The following CFAP46 variants were observed in gnomAD, a reference collection of about 807,000 sequenced individuals.
CFAP46 encodes cilia- and flagella-associated protein 46.
A neutral mutation model predicts 325.7 loss-of-function variants in CFAP46; 245 were observed. That is an observed-to-expected ratio of 0.75 (90% confidence interval 0.68 to 0.84). The LOEUF (loss-of-function observed/expected upper bound fraction) is 0.84. Among genes scored for constraint, CFAP46 ranks in the 40% least tolerant of loss-of-function variants. CFAP46 has a pLI of 0.00. For missense variants in CFAP46, 3,346 were observed against 3,543.0 expected (o/e 0.94, Z 1.41); for synonymous variants, 1,523 against 1,495.9 (o/e 1.02, Z -0.42).
rs117156428 is a variant in CFAP46, at chr10:132,882,360, C to T, written c.3628-1328G>A. Among the ~76,000 whole-genome samples, 339 of 149,714 alleles carry T rather than the reference C, an allele frequency of 2.3e-3. 5 individuals carry two copies. In the East Asian group the frequency reaches 0.051, roughly 22 times the overall value. ...GTATAGGCTGTGTGGGGGTGGGATA[C>T]GTGGGGTGTGTCTTGGTCACAGCTG... On this transcript the variant is annotated intron_variant, in intron 27 of 57. Coordinates refer to ENST00000368586, the MANE Select transcript of CFAP46 (RefSeq NM_001200049.3).
intron 44 of CFAP46, among the ~76,000 whole-genome samples, chr10:132,845,222 C>A (rs917429708): frequency 1.4e-4 from 22 of 152,344 alleles, no homozygotes; most frequent in Admixed American, 2.6e-4. Context: ...GGCCTGCAGG[C>A]CCCTTGCCTC....
chr10:132,863,281 C>T (rs932176522), intron 35 of CFAP46, among the ~76,000 whole-genome samples: 8 of 152,178 alleles, frequency 5.3e-5, no homozygotes, highest in Admixed American at 5.2e-4. Context: ...GGGCCTCTGC[C>T]CACCTCGGAG....
chr10:132,812,959 C>T (rs942410288), intron 54 of CFAP46, 62 bp from the exon 55 acceptor site: 30 of 1,345,480 alleles, frequency 2.2e-5, no homozygotes, highest in South Asian at 7.1e-5. Context: ...CCCCACCGTG[C>T]GTTCTTAAAG....
intron 24 of CFAP46, 102 bp downstream of exon 24, chr10:132,898,857 G>C: frequency 7.0e-7 from 1 of 1,420,208 alleles, no homozygotes; most frequent in Non-Finnish European, 9.7e-7. Flanking sequence ...CCTCTGGGAG[G>C]CCTGTGGGGT....
intron 53 of CFAP46, 138 bp downstream of exon 53, chr10:132,814,439 A>T: frequency 1.7e-6 from 2 of 1,202,470 alleles, no homozygotes; most frequent in Non-Finnish European, 2.3e-6. Context: ...TAAAATATTT[A>T]CAGCCAAAAT....
chr10:132,941,552 T>G, intron 3 of CFAP46, 39 bp downstream of exon 3: 1 of 1,591,808 alleles, frequency 6.3e-7, no homozygotes, highest in Non-Finnish European at 8.6e-7. Context: ...GGGGTGAAAA[T>G]TGAACTGTTG....
chr10:132,816,219 C>G (rs1847690428), intron 50 of CFAP46, among the ~76,000 whole-genome samples: 1 of 151,604 alleles, frequency 6.6e-6, no homozygotes, highest in Non-Finnish European at 1.5e-5. Context: ...CTTTCCGTTT[C>G]TGGCGTTCTC....
chr10:132,898,870 G>T, intron 24 of CFAP46, 89 bp downstream of exon 24: 3 of 1,488,090 alleles, frequency 2.0e-6, no homozygotes, highest in Non-Finnish European at 2.8e-6. Context: ...TGTGGGGTCT[G>T]TCTTTCTTTG....
chr10:132,884,965 G>T lies in CFAP46; in HGVS notation c.3627+138C>A. 2 of 913,792 alleles carry T rather than the reference G, an allele frequency of 2.2e-6. No individual in the cohort carries two copies. Among genetic ancestry groups the T allele is most frequent in the Non-Finnish European group, 1.6e-6 (1 of 623,206 alleles). The allele number at this position is 913,792 out of a possible 1,614,324, so 56.6% of individuals were successfully genotyped here. On this transcript the variant is annotated intron_variant, in intron 27 of 57. Coordinates refer to ENST00000368586, the MANE Select transcript of CFAP46 (RefSeq NM_001200049.3). This position sits in a 1 kb window ranked among gnomAD's most constrained non-coding sequence, Gnocchi z 5.4. ...AGAGGAGTGCCCGGGGCCACGCGGT[G>T]CATTCTCTGTGCCCGTCAGCTGTGG...
chr10:132,932,665 G>A (rs1399033613), intron 8 of CFAP46, among the ~76,000 whole-genome samples: 3 of 131,976 alleles, frequency 2.3e-5, no homozygotes, highest in Admixed American at 1.5e-4. Flanking sequence ...CCTACCATGC[G>A]ACAAGCCCGT....
At position 132,827,048 on chromosome 10, in the gene CFAP46, T is replaced by G. The variant is rs1321227227; in HGVS notation, c.7117+6310A>C. ...ACTATCAAAAACGGTTTCCGACACCTCCATGAGCCTCGTGTCTGTGCCAAC... is the reference window on the plus strand; with the variant it reads ...ACTATCAAAAACGGTTTCCGACACCGCCATGAGCCTCGTGTCTGTGCCAAC... On this transcript the variant is annotated intron_variant, in intron 50 of 57. Transcript: ENST00000368586. This position sits in a 1 kb window ranked among gnomAD's most constrained non-coding sequence, Gnocchi z 5.7. Among the ~76,000 whole-genome samples, 1 of 152,066 alleles carries G rather than the reference T, an allele frequency of 6.6e-6. No individual in the cohort carries two copies. The highest frequency in any genetic ancestry group is 2.4e-5 in the African/African-American group (1 of 41,386).
At position 132,869,360 on chromosome 10, in the gene CFAP46, C is replaced by T. The variant is rs144551659; in HGVS notation, c.4524G>A (p.Ala1508=). 9.4e-3 allele frequency: 14,426 copies of T among 1,531,052 alleles called. 133 individuals carry two copies. Among genetic ancestry groups the T allele is most frequent in the Middle Eastern group, 0.04 (236 of 5,904 alleles). 94.8% of individuals were successfully genotyped at this position (1,531,052 alleles called of 1,614,324 possible). Reference sequence around the variant, plus strand: ...CTTCTCTCAGCTTCAGCTCGGAGCACGCGTGGGCGAGGCTGTGGGGAGTGT... The same window carrying T: ...CTTCTCTCAGCTTCAGCTCGGAGCATGCGTGGGCGAGGCTGTGGGGAGTGT... The part of the protein sequence containing the change: ...SDLYHLRLAH[A]CSELKLREAA... The change falls in exon 33 of 58, where the codon GCG becomes GCA. Residue 1508 remains alanine, a synonymous_variant. Coordinates refer to ENST00000368586, the MANE Select transcript of CFAP46 (RefSeq NM_001200049.3). The surrounding 1 kb of genome is among the most constrained non-coding windows in gnomAD (Gnocchi z 6.2).
At chr10:132,850,515 T>C in intron 40 of CFAP46, 83 bp from the exon 41 acceptor site, 2 of 1,331,100 alleles carry the variant, frequency 1.5e-6, no homozygotes, top group Admixed American at 2.7e-5. Context: ...GCCCGCCCTC[T>C]GCTGTGCCCT....
At chr10:132,933,868 C>T (rs573554409) in intron 8 of CFAP46, among the ~76,000 whole-genome samples, 137 of 152,336 alleles carry the variant, frequency 9.0e-4, no homozygotes, top group Non-Finnish European at 1.6e-3. Flanking sequence ...AGTCCAGCCT[C>T]GAGAAAAGAC....
intron 44 of CFAP46, among the ~76,000 whole-genome samples, chr10:132,838,025 C>T (rs1427847921): frequency 1.3e-5 from 2 of 151,866 alleles, no homozygotes; most frequent in African/African-American, 4.8e-5. Flanking sequence ...CAGAGCCGTG[C>T]CCCCATGCTC....
At chr10:132,810,359 G>A in intron 57 of CFAP46, 50 bp downstream of exon 57, 1 of 1,514,256 alleles carries the variant, frequency 6.6e-7, no homozygotes, top group Non-Finnish European at 9.2e-7. Flanking sequence ...CATGGGCAGT[G>A]GCTGCAGAGG....
At chr10:132,887,409 C>T (rs1849162295) in intron 25 of CFAP46, among the ~76,000 whole-genome samples, 1 of 109,888 alleles carries the variant, frequency 9.1e-6, no homozygotes, top group Admixed American at 8.8e-5. Flanking sequence ...TCTCTCTCTC[C>T]TCTCCTCTCT....
intron 35 of CFAP46, among the ~76,000 whole-genome samples, chr10:132,863,705 CCT>C (rs1848757047): frequency 6.7e-6 from 1 of 149,932 alleles, no homozygotes; most frequent in Admixed American, 6.6e-5. Context: ...CATCTGTCCC[CCT>C]GCCTGAGACC....
chr10:132,848,894 G>A (rs1194521878), intron 41 of CFAP46, among the ~76,000 whole-genome samples: 1 of 152,232 alleles, frequency 6.6e-6, no homozygotes. Context: ...ACCCTAGACC[G>A]TGTCGATCCT....
Sources: allele counts gnomAD v4.1 joint callset (sites outside exome capture counted in the v4.1 genomes callset), GRCh38; gene constraint gnomAD v4.1.1; non-coding constraint Gnocchi (gnomAD v3.1); transcripts MANE v1.5; gene names NCBI Gene and HGNC (gene_info 2026-07-23, HGNC 2026-07-21).